The following IQGAP1 variants were observed in gnomAD, a reference collection of about 807,000 sequenced individuals.
IQGAP1 encodes IQ motif containing GTPase activating protein 1.
Under a neutral mutation model 215.6 loss-of-function variants are expected in IQGAP1, and 66 were observed. The ratio of observed to expected loss-of-function variants is 0.31; its 90% CI spans 0.25 to 0.38. IQGAP1 has a LOEUF of 0.38. IQGAP1 is among the 10% of genes least tolerant of loss of function. The pLI, the probability that IQGAP1 is intolerant of heterozygous loss-of-function variation, is 1.00. For missense variants in IQGAP1, 1,712 were observed against 1,997.1 expected, an observed-to-expected ratio of 0.86 and a Z score of 2.72; for synonymous variants, 772 against 728.7, an observed-to-expected ratio of 1.06 and a Z score of -0.96.
Position 90,484,370 on chromosome 15 carries a change from A to T in IQGAP1, c.3921+18A>T. 3 of 1,593,490 alleles carry T rather than the reference A, an allele frequency of 1.9e-6. No homozygotes were observed. The highest frequency in any genetic ancestry group is 2.6e-6 in the Non-Finnish European group (3 of 1,164,738). The stretch of plus-strand genomic sequence containing the variant: ...CCCACACTGTAAGTATTTTTCTTTA[A>T]TTACTTAATTTCATTGTCCTTAATT... On this transcript the variant is annotated intron_variant, in intron 30 of 37. Transcript: ENST00000268182.
Position 90,474,669 on chromosome 15 carries a change from A to T in IQGAP1, c.2760A>T (p.Leu920=). The change falls in exon 23 of 38, where the codon CTA becomes CTT. Residue 920 remains leucine, a synonymous_variant. Transcript: ENST00000268182. ...LNLMDIKIGL[L]VKNKITLQDV... is the part of the protein sequence containing the mutation. ...TCATGGATATCAAAATTGGACTGCT[A>T]GTGAAAAATAAGATTACGTTGCAGG... The T allele has an allele frequency of 6.2e-7, 1 of 1,613,910 alleles. No individual in the cohort carries two copies. Among genetic ancestry groups the T allele is most frequent in the Non-Finnish European group, 8.5e-7 (1 of 1,179,782 alleles).
chr15:90,488,041 G>T (rs188628575), intron 33 of IQGAP1, among the ~76,000 whole-genome samples: 403 of 152,030 alleles, frequency 2.7e-3, no homozygotes, highest in Non-Finnish European at 4.3e-3. Flanking sequence ...GCTAACACGT[G>T]AAACCCCGTC....
chr15:90,481,894 A>C (rs1966064286), intron 26 of IQGAP1, 66 bp from the exon 27 acceptor site: 1 of 1,540,062 alleles, frequency 6.5e-7, no homozygotes. Flanking sequence ...GAAAGATAAG[A>C]CACTTGCTTC....
At position 90,474,649 on chromosome 15, in the gene IQGAP1, G is replaced by T. The variant is rs760013998; in HGVS notation, c.2740G>T (p.Asp914Tyr). 3 of 1,614,068 alleles carry T rather than the reference G, an allele frequency of 1.9e-6. No homozygotes were observed. Among genetic ancestry groups the T allele is most frequent in the Non-Finnish European group, 2.5e-6 (3 of 1,179,970 alleles). ...QQLENDLNLM[D>Y]IKIGLLVKNK... Reference sequence around the variant, plus strand: ...GCTGGAGAATGACCTCAATCTCATGGATATCAAAATTGGACTGCTAGTGAA... The same window carrying T: ...GCTGGAGAATGACCTCAATCTCATGTATATCAAAATTGGACTGCTAGTGAA... The change falls in exon 23 of 38, where the codon GAT becomes TAT. Residue 914 changes from aspartate to tyrosine, a missense_variant. By Grantham distance (160) the Asp-to-Tyr change is radical. Around this residue, in one of 2 missense-constraint regions of IQGAP1, gnomAD observed 691 missense variants for 923.0 expected, o/e 0.75. Transcript: ENST00000268182.
chr15:90,472,018 C>G (rs938806396), intron 18 of IQGAP1, among the ~76,000 whole-genome samples: 7 of 152,200 alleles, frequency 4.6e-5, no homozygotes, highest in Non-Finnish European at 8.8e-5. Context: ...TCTTCTCACT[C>G]TAATCTGTCA....
At chr15:90,436,136 A>G (rs1276881843) in intron 5 of IQGAP1, among the ~76,000 whole-genome samples, 1 of 150,958 alleles carries the variant, frequency 6.6e-6, no homozygotes, top group Non-Finnish European at 1.5e-5. Context: ...TAATCATACT[A>G]AATTACTTTT....
intron 2 of IQGAP1, among the ~76,000 whole-genome samples, chr15:90,412,298 C>T (rs778593601): frequency 4.6e-5 from 7 of 152,130 alleles, no homozygotes; most frequent in Non-Finnish European, 1.0e-4. Context: ...TCTCATTTTG[C>T]TTGTATGGTT....
At chr15:90,466,608 C>G (rs1324103400) in intron 17 of IQGAP1, among the ~76,000 whole-genome samples, 172 bp downstream of exon 17, 1 of 150,560 alleles carries the variant, frequency 6.6e-6, no homozygotes, top group Non-Finnish European at 1.5e-5. Flanking sequence ...ATCCTTCCCC[C>G]CCCCCTTGTG....
intron 2 of IQGAP1, among the ~76,000 whole-genome samples, chr15:90,402,597 A>G (rs979287347): frequency 1.3e-5 from 2 of 152,188 alleles, no homozygotes; most frequent in African/African-American, 2.4e-5. Flanking sequence ...AGGAAATAGT[A>G]TTACTCTGAT....
chr15:90,460,282 G>A (rs192476760), intron 15 of IQGAP1, among the ~76,000 whole-genome samples: 1 of 151,956 alleles, frequency 6.6e-6, no homozygotes, highest in East Asian at 1.9e-4. Context: ...GATCTTTTCT[G>A]AGCATGTGCA....
chr15:90,481,913 C>T (rs1372229350), intron 26 of IQGAP1, 47 bp from the exon 27 acceptor site: 1 of 1,603,830 alleles, frequency 6.2e-7, no homozygotes, highest in African/African-American at 1.3e-5. Flanking sequence ...TCAGGCTGTT[C>T]CTGGCTGTTA....
intron 15 of IQGAP1, among the ~76,000 whole-genome samples, chr15:90,457,124 A>G (rs1965696091): frequency 6.6e-6 from 1 of 151,878 alleles, no homozygotes; most frequent in Non-Finnish European, 1.5e-5. Context: ...GACCTTCCTC[A>G]TATCCCCTTC....
intron 37 of IQGAP1, among the ~76,000 whole-genome samples, chr15:90,497,789 C>T (rs943579802): frequency 4.6e-5 from 7 of 152,140 alleles, no homozygotes; most frequent in African/African-American, 7.2e-5. Context: ...AAAAAGAACT[C>T]GGGAGTAATT....
chr15:90,484,401 C>A, intron 30 of IQGAP1, 49 bp downstream of exon 30: 1 of 1,497,740 alleles, frequency 6.7e-7, no homozygotes, highest in East Asian at 2.3e-5. Flanking sequence ...TAATTATTAT[C>A]CCTGGCTGCT....
At chr15:90,420,450 C>T (rs1426447465) in intron 2 of IQGAP1, among the ~76,000 whole-genome samples, 6 of 152,316 alleles carry the variant, frequency 3.9e-5, no homozygotes, top group Non-Finnish European at 7.3e-5. Flanking sequence ...CAAAAACCTT[C>T]TGACTACTGG....
chr15:90,425,126 A>G (rs1965202402), intron 2 of IQGAP1, among the ~76,000 whole-genome samples: 1 of 152,096 alleles, frequency 6.6e-6, no homozygotes, highest in Non-Finnish European at 1.5e-5. Flanking sequence ...CCTGGTCAAT[A>G]TGACGAAGCC....
At position 90,456,130 on chromosome 15, in the gene IQGAP1, C is replaced by T. The variant is rs528313255; in HGVS notation, c.1613-22C>T. ...TACTTCCTTAATTAGAAAAAAAAAA[C>T]TTTCTGTCTCTTTATATTTAGGGAT... On this transcript the variant is annotated intron_variant, in intron 14 of 37. Transcript: ENST00000268182. 160 of 1,590,132 alleles carry T rather than the reference C, an allele frequency of 1.0e-4. 2 individuals are homozygous for T. In the African/African-American group the frequency reaches 1.7e-3, roughly 16 times the overall value.
Position 90,496,097 on chromosome 15 carries a change from T to G in IQGAP1, c.4752-1135T>G, listed in dbSNP as rs938099783. 3.3e-5 allele frequency among the ~76,000 whole-genome samples: 5 copies of G among 151,936 alleles called. No homozygotes were observed. In the East Asian group the frequency reaches 7.7e-4, roughly 23 times the overall value. On this transcript the variant is annotated intron_variant, in intron 36 of 37. Transcript: ENST00000268182. Reference sequence around the variant, plus strand: ...AATTATTTATCACTTAAGATAAATATGTTTAAGGAATAACCCGTGAGGCGT... The same window carrying G: ...AATTATTTATCACTTAAGATAAATAGGTTTAAGGAATAACCCGTGAGGCGT...
chr15:90,428,464 G>C (rs538733817), intron 3 of IQGAP1, among the ~76,000 whole-genome samples: 1 of 151,946 alleles, frequency 6.6e-6, no homozygotes, highest in Non-Finnish European at 1.5e-5. Context: ...TAAAAGGAGA[G>C]CGGAGACTCT....
Sources: allele counts gnomAD v4.1 joint callset (sites outside exome capture counted in the v4.1 genomes callset), GRCh38; gene constraint gnomAD v4.1.1; regional missense constraint gnomAD v4.1.1; transcripts MANE v1.5; gene names NCBI Gene and HGNC (gene_info 2026-07-23, HGNC 2026-07-21).